The following UBE2D3 variants were observed in gnomAD, a reference collection of about 807,000 sequenced individuals.
The protein encoded by UBE2D3 is ubiquitin conjugating enzyme E2 D3.
UBE2D3 carries 2 observed loss-of-function variants against 22.8 expected under a neutral mutation model. The observed-to-expected ratio is 0.09, with a 90% CI of 0.04 to 0.28. The LOEUF (loss-of-function observed/expected upper bound fraction) is 0.28, where lower values mean the gene tolerates loss of function less well. Among genes scored for constraint, UBE2D3 ranks in the 10% least tolerant of loss-of-function variants. The pLI is 1.00. For missense variants in UBE2D3, 27 were observed against 182.5 expected (o/e 0.15, Z 4.91); for synonymous variants, 56 against 60.4 (o/e 0.93, Z 0.34).
intron 2 of UBE2D3, among the ~76,000 whole-genome samples, chr4:102,826,054 CTT>C (rs1354643656): frequency 6.6e-6 from 1 of 152,140 alleles, no homozygotes; most frequent in Non-Finnish European, 1.5e-5. Context: ...TCCGAGTTTT[CTT>C]TCTTACCCCT....
At chr4:102,868,069 A>ATTTTTTTTTT (rs1347875621) in intron 1 of UBE2D3, among the ~76,000 whole-genome samples, 1 of 92,290 alleles carries the variant, frequency 1.1e-5, no homozygotes, top group African/African-American at 5.5e-5. Flanking sequence ...AAGGCTTTAG[A>ATTTTTTTTTT]TTCTTTTTTT....
intron 1 of UBE2D3, among the ~76,000 whole-genome samples, chr4:102,847,222 T>C (rs1560888634): frequency 6.6e-6 from 1 of 152,226 alleles, no homozygotes; most frequent in Non-Finnish European, 1.5e-5. Context: ...TGCCCAGTGA[T>C]TACAGAAGAT....
intron 2 of UBE2D3, among the ~76,000 whole-genome samples, chr4:102,813,917 G>C (rs1728423755): frequency 6.6e-6 from 1 of 152,184 alleles, no homozygotes; most frequent in Non-Finnish European, 1.5e-5. Context: ...AACAAAAATA[G>C]AGTAGACAAG....
chr4:102,808,048 G>A (rs1448621094), intron 4 of UBE2D3, among the ~76,000 whole-genome samples: 1 of 152,134 alleles, frequency 6.6e-6, no homozygotes, highest in Non-Finnish European at 1.5e-5. Flanking sequence ...TTTATTTTAA[G>A]GCATTTTATA....
intron 7 of UBE2D3, among the ~76,000 whole-genome samples, chr4:102,798,530 A>AT (rs1263554714): frequency 6.6e-6 from 1 of 151,662 alleles, no homozygotes; most frequent in East Asian, 1.9e-4. Flanking sequence ...AGTAATGAAC[A>AT]TTTAGTTTAG....
rs116603228 is a variant in UBE2D3 at position 102,824,835 on chromosome 4, C to A, written c.24+1650G>T. On this transcript the variant is annotated intron_variant, in intron 2 of 7. Transcript: ENST00000453744. ...GCTCTTTGTGTAAACCACACTGTAACATACAACTAGGCTTCTCCAATATGT... is the reference window on the plus strand; with the variant it reads ...GCTCTTTGTGTAAACCACACTGTAAAATACAACTAGGCTTCTCCAATATGT... Among the ~76,000 whole-genome samples, 1,418 of 152,310 alleles carry A rather than the reference C, an allele frequency of 9.3e-3. 11 individuals carry two copies. Among genetic ancestry groups the A allele is most frequent in the Non-Finnish European group, 0.014 (944 of 68,032 alleles).
chr4:102,853,139 T>C (rs1215363359), intron 1 of UBE2D3, among the ~76,000 whole-genome samples: 11 of 110,022 alleles, frequency 1.0e-4, no homozygotes, highest in South Asian at 3.1e-4. Flanking sequence ...ACACACATTT[T>C]TTTTTTTTTT....
intron 1 of UBE2D3, among the ~76,000 whole-genome samples, chr4:102,866,923 AT>A (rs1242978672): frequency 6.6e-6 from 1 of 152,230 alleles, no homozygotes; most frequent in Non-Finnish European, 1.5e-5. Flanking sequence ...AGTTAACAGA[AT>A]AGTCCAGAGG....
chr4:102,843,835 C>T (rs1731897888), intron 1 of UBE2D3: 1 of 151,446 alleles, frequency 6.6e-6, no homozygotes, highest in African/African-American at 2.4e-5. Flanking sequence ...AACAAAAGAC[C>T]ATCAAGGTCC....
At chr4:102,805,348 C>A (rs188856889) in intron 4 of UBE2D3, among the ~76,000 whole-genome samples, 1 of 152,302 alleles carries the variant, frequency 6.6e-6, no homozygotes, top group Non-Finnish European at 1.5e-5. Context: ...ATAAGGAACA[C>A]TGTGATCAGC....
chr4:102,848,785 C>G (rs115201726), intron 1 of UBE2D3, among the ~76,000 whole-genome samples: 1 of 151,950 alleles, frequency 6.6e-6, no homozygotes, highest in Non-Finnish European at 1.5e-5. Flanking sequence ...CACCACTGCA[C>G]TCCATTCTGG....
At chr4:102,805,371 A>G (rs746185655) in intron 4 of UBE2D3, among the ~76,000 whole-genome samples, 1 of 152,182 alleles carries the variant, frequency 6.6e-6, no homozygotes, top group Non-Finnish European at 1.5e-5. Flanking sequence ...ATCGACTCAA[A>G]TCGTACAAGT....
At position 102,795,778 on chromosome 4, in the gene UBE2D3, A is replaced by G. The variant is rs1289743087; in HGVS notation, c.*1637T>C. 6.6e-6 allele frequency: 1 copy of G among 152,144 alleles called. No homozygotes were observed. The highest frequency in any genetic ancestry group is 1.5e-5 in the Non-Finnish European group (1 of 67,958). The allele number at this position is 152,144 out of a possible 1,614,324, so 9.4% of individuals were successfully genotyped here. On this transcript the variant is annotated 3_prime_UTR_variant, in exon 8 of 8. Transcript: ENST00000453744. Reference sequence around the variant, plus strand: ...AGGAATAAGATTGCACGTAAGTGTAAGCAGTGCAAAAATGTGGAAGTGGAG... The same window carrying G: ...AGGAATAAGATTGCACGTAAGTGTAGGCAGTGCAAAAATGTGGAAGTGGAG...
intron 1 of UBE2D3, among the ~76,000 whole-genome samples, chr4:102,842,796 G>A (rs530526244): frequency 2.6e-5 from 4 of 152,306 alleles, no homozygotes; most frequent in Admixed American, 2.6e-4. Context: ...TGTTCTTAGA[G>A]GCTTAACTGT....
In UBE2D3 at chr4:102,809,925, C is replaced by T. The variant is rs547618022; in HGVS notation, c.25-70G>A. On this transcript the variant is annotated intron_variant, in intron 2 of 7. Coordinates refer to ENST00000453744, the MANE Select transcript of UBE2D3 (RefSeq NM_181891.3). ...AGAAAACAAGCAAATGAGTCCACTGCTTTCAGTTACTTTCACCCTATTTTT... is the reference window on the plus strand; with the variant it reads ...AGAAAACAAGCAAATGAGTCCACTGTTTTCAGTTACTTTCACCCTATTTTT... 1.1e-5 allele frequency: 16 copies of T among 1,426,178 alleles called. No homozygotes were observed. In the African/African-American group the frequency reaches 1.3e-4, roughly 11 times the overall value. 88.3% of individuals were successfully genotyped at this position (1,426,178 alleles called of 1,614,324 possible).
At chr4:102,855,356 A>G (rs2110372632) in intron 1 of UBE2D3, among the ~76,000 whole-genome samples, 1 of 152,326 alleles carries the variant, frequency 6.6e-6, no homozygotes, top group South Asian at 2.1e-4. Context: ...AAACACAACA[A>G]ATTCTACAAC....
At chr4:102,799,060 T>C (rs1221605428) in intron 7 of UBE2D3, 15 of 1,448,708 alleles carry the variant, frequency 1.0e-5, no homozygotes, top group Middle Eastern at 1.8e-4. Flanking sequence ...AATTCAAATA[T>C]TTGAGAAATT....
chr4:102,855,994 A>ACAC (rs756761170), intron 1 of UBE2D3, among the ~76,000 whole-genome samples: 1 of 152,208 alleles, frequency 6.6e-6, no homozygotes, highest in Non-Finnish European at 1.5e-5. Flanking sequence ...GGTTGCGGTG[A>ACAC]GGCTGGTAAT....
chr4:102,828,010 T>G, upstream of UBE2D3: 1 of 985,442 alleles, frequency 1.0e-6, no homozygotes, highest in Non-Finnish European at 1.2e-6. Flanking sequence ...AGCTCTGCAA[T>G]GACTTAAGAG....
Sources: gnomAD v4.1 joint callset for allele counts (sites outside exome capture counted in the v4.1 genomes callset) on GRCh38, gnomAD v4.1.1 for gene constraint, MANE v1.5 for transcripts, NCBI Gene and HGNC (gene_info 2026-07-23, HGNC 2026-07-21) for gene names.